The following NRG3 variants were observed in gnomAD, a reference collection of about 807,000 sequenced individuals.
NRG3 encodes pro-neuregulin-3, membrane-bound isoform.
A neutral mutation model predicts 66.9 loss-of-function variants in NRG3; 31 were observed. The ratio of observed to expected loss-of-function variants is 0.46; its 90% CI spans 0.35 to 0.63. NRG3 has a LOEUF of 0.63. NRG3 is among the 20% of genes least tolerant of loss of function. The pLI is 0.00. For missense variants in NRG3, 910 were observed against 878.9 expected, an observed-to-expected ratio of 1.04 and a Z score of -0.45; for synonymous variants, 393 against 359.4, an observed-to-expected ratio of 1.09 and a Z score of -1.06.
chr10:81,986,674 T>A (rs2060530589), intron 1 of NRG3, among the ~76,000 whole-genome samples: 1 of 152,216 alleles, frequency 6.6e-6, no homozygotes, highest in South Asian at 2.1e-4. Context: ...GCACAATGTC[T>A]TATTCATTTG....
intron 2 of NRG3, among the ~76,000 whole-genome samples, chr10:82,511,566 T>C (rs554271814): frequency 6.6e-6 from 1 of 152,174 alleles, no homozygotes; most frequent in East Asian, 1.9e-4. Context: ...CCCACAGAGA[T>C]GTGGTGGGGA....
intron 3 of NRG3, among the ~76,000 whole-genome samples, chr10:82,771,105 G>T (rs1251518365): frequency 6.6e-6 from 1 of 152,142 alleles, no homozygotes; most frequent in Non-Finnish European, 1.5e-5. Context: ...ACCAGCTAGG[G>T]TGAGTTAGGA....
chr10:82,297,053 G>A (rs2080106548), intron 1 of NRG3, among the ~76,000 whole-genome samples: 1 of 152,044 alleles, frequency 6.6e-6, no homozygotes, highest in African/African-American at 2.4e-5. Flanking sequence ...TTCTGTTGAT[G>A]CATAAATTCA....
intron 3 of NRG3, among the ~76,000 whole-genome samples, chr10:82,747,228 C>A (rs1282040547): frequency 2.0e-5 from 3 of 151,776 alleles, no homozygotes; most frequent in African/African-American, 7.3e-5. Flanking sequence ...CTTTTATATT[C>A]TTTTATAAAT....
intron 1 of NRG3, among the ~76,000 whole-genome samples, chr10:82,076,872 C>A (rs1048311044): frequency 6.6e-6 from 1 of 152,196 alleles, no homozygotes; most frequent in East Asian, 1.9e-4. Flanking sequence ...TCCTCTATAG[C>A]AAGGCAAATT....
intron 1 of NRG3, among the ~76,000 whole-genome samples, chr10:81,961,444 C>G (rs952284205): frequency 2.7e-5 from 4 of 149,506 alleles, no homozygotes; most frequent in Non-Finnish European, 5.9e-5. Flanking sequence ...CGTGACCAGG[C>G]TCTAGCATAG....
Position 82,644,222 on chromosome 10 carries a change from A to G in NRG3, c.954-94355A>G, listed in dbSNP as rs149976822. On this transcript the variant is annotated intron_variant, in intron 2 of 8. Transcript: ENST00000372141. ...CTCACCCCACTTTCAGAGGTACCTG[A>G]TTCCTTCAATCCCTGATTCTTTCCA... 6.1e-3 allele frequency among the ~76,000 whole-genome samples: 927 copies of G among 152,200 alleles called. 6 individuals are homozygous for G. Among genetic ancestry groups the G allele is most frequent in the South Asian group, 0.021 (99 of 4,828 alleles).
At chr10:82,928,612 GTT>G in intron 4 of NRG3, among the ~76,000 whole-genome samples, 1 of 117,870 alleles carries the variant, frequency 8.5e-6, no homozygotes, top group African/African-American at 2.9e-5. Flanking sequence ...GGATCAGCAG[GTT>G]TTTTTTTTTT....
intron 1 of NRG3, among the ~76,000 whole-genome samples, chr10:82,255,770 A>C: frequency 6.7e-6 from 1 of 150,036 alleles, no homozygotes; most frequent in South Asian, 2.1e-4. Context: ...CACCTGGCTA[A>C]TTTTTGTATT....
At chr10:82,476,759 T>A (rs1036527472) in intron 2 of NRG3, among the ~76,000 whole-genome samples, 2 of 152,048 alleles carry the variant, frequency 1.3e-5, no homozygotes, top group Non-Finnish European at 2.9e-5. Flanking sequence ...TTTGGGATGA[T>A]GAAAAAGTTC....
chr10:82,204,606 A>G (rs1487794367), intron 1 of NRG3, among the ~76,000 whole-genome samples: 1 of 152,038 alleles, frequency 6.6e-6, no homozygotes, highest in Non-Finnish European at 1.5e-5. Flanking sequence ...TAGTTTCTTC[A>G]TTTGTTTTCT....
chr10:82,119,586 T>G (rs1415343617), intron 1 of NRG3, among the ~76,000 whole-genome samples: 2 of 152,164 alleles, frequency 1.3e-5, no homozygotes, highest in East Asian at 3.9e-4. Context: ...GATCTTGTGT[T>G]CTTGGCTACT....
chr10:81,911,550 C>G (rs1030820635), intron 1 of NRG3, among the ~76,000 whole-genome samples: 1 of 146,608 alleles, frequency 6.8e-6, no homozygotes, highest in Admixed American at 6.9e-5. Context: ...CCATTTGCTG[C>G]TGTTTGACTG....
In NRG3 at chr10:82,742,726, G is replaced by A. The variant is rs145770167; in HGVS notation, c.1027+4076G>A. ...GCCTCCTGCCTCCTATGCTGCCAGC[G>A]CACTGAGGGATAGCAGCAGTAAGCT... is the stretch of plus-strand genomic sequence containing the variant. On this transcript the variant is annotated intron_variant, in intron 3 of 8. Transcript: ENST00000372141. Among the ~76,000 whole-genome samples the A allele has an allele frequency of 5.8e-4, 89 of 152,160 alleles. 1 individual carries two copies. In the East Asian group the frequency reaches 0.01, roughly 18 times the overall value.
chr10:82,131,716 A>G (rs1305344089), intron 1 of NRG3, among the ~76,000 whole-genome samples: 4 of 152,134 alleles, frequency 2.6e-5, no homozygotes, highest in East Asian at 3.9e-4. Context: ...TCTTGCATCA[A>G]TGTTGTATAG....
intron 1 of NRG3, among the ~76,000 whole-genome samples, chr10:82,076,271 T>C (rs2065085620): frequency 1.3e-5 from 2 of 152,218 alleles, no homozygotes; most frequent in African/African-American, 4.8e-5. Context: ...GTAACTGTAG[T>C]TGCACGCCCT....
In NRG3 at chr10:82,211,750, T is replaced by G. The variant is rs114567050; in HGVS notation, c.824-146989T>G. Among the ~76,000 whole-genome samples, 55 of 152,224 alleles carry G rather than the reference T, an allele frequency of 3.6e-4. 1 individual carries two copies. The highest frequency in any genetic ancestry group is 1.3e-3 in the African/African-American group (55 of 41,550). ...CAATCCAAAGTAAAATTCAGTTGAG[T>G]GTGTAGAGCCTTCCACATGAGAGGG... On this transcript the variant is annotated intron_variant, in intron 1 of 8. Transcript: ENST00000372141.
intron 2 of NRG3, among the ~76,000 whole-genome samples, chr10:82,734,302 G>C (rs1173322979): frequency 1.3e-5 from 2 of 152,176 alleles, no homozygotes; most frequent in Non-Finnish European, 2.9e-5. Flanking sequence ...AGGTGGGATG[G>C]ATCAGGGAAA....
chr10:81,878,238 A>G (rs762190396), intron 1 of NRG3: 4 of 651,294 alleles, frequency 6.1e-6, no homozygotes, highest in Non-Finnish European at 1.0e-5. Flanking sequence ...CAATGTTCAC[A>G]TAGACATATA....
Sources: gnomAD v4.1 joint callset for allele counts (sites outside exome capture counted in the v4.1 genomes callset) on GRCh38, gnomAD v4.1.1 for gene constraint, MANE v1.5 for transcripts, NCBI Gene and HGNC (gene_info 2026-07-23, HGNC 2026-07-21) for gene names.